The following TPRX1 variants were observed in gnomAD, a reference collection of about 807,000 sequenced individuals.
TPRX1 encodes the protein tetra-peptide repeat homeobox protein 1.
Under a neutral mutation model 8.1 loss-of-function variants are expected in TPRX1, and 2 were observed. That is an observed-to-expected ratio of 0.25 (90% CI 0.10 to 0.78). TPRX1 has a LOEUF of 0.78. Ranked by LOEUF, TPRX1 falls within the 30% of genes least tolerant of loss-of-function variation. TPRX1 has a pLI of 0.70. For synonymous variants in TPRX1, 257 were observed against 254.1 expected (o/e 1.01, Z -0.11); for missense variants, 517 against 586.9 (o/e 0.88, Z 1.23).
At chr19:47,801,921 C>T in exon 4 of TPRX1, 1 of 1,614,126 alleles carries the variant, frequency 6.2e-7, no homozygotes, top group Non-Finnish European at 8.5e-7. Context: ...GAGGATCCCT[C>T]CAAGGGGTCT....
exon 4 of TPRX1, chr19:47,801,805 G>A (rs1967665865): frequency 6.2e-7 from 1 of 1,613,878 alleles, no homozygotes; most frequent in Admixed American, 1.7e-5. Context: ...TGGGGCCTGA[G>A]TGATTTTCAT....
rs34265596 is a variant in TPRX1, at chr19:47,815,646, C to CAAAAAA, written c.151+2816_151+2821dup. 5.8e-4 allele frequency among the ~76,000 whole-genome samples: 35 copies of CAAAAAA among 60,154 alleles called. 2 individuals carry two copies. The highest frequency in any genetic ancestry group is 9.3e-4 in the Admixed American group (4 of 4,324). 39.5% of individuals were successfully genotyped at this position (60,154 alleles called of 152,430 possible). A position where few individuals can be genotyped will look rare whatever the true frequency, so the allele number is the denominator to read the frequency against. On this transcript the variant is annotated intron_variant, in intron 2 of 3. Transcript: ENST00000535759. The stretch of plus-strand genomic sequence containing the variant: ...CAACATAATGAGACCCCCGTCTCTA[C>CAAAAAA]AAAAAAAAAAAAAAAAAAAAGCAGG...
At chr19:47,818,249 A>ATCCC (rs1967863345) in intron 2 of TPRX1, among the ~76,000 whole-genome samples, 1 of 96,114 alleles carries the variant, frequency 1.0e-5, no homozygotes, top group African/African-American at 4.6e-5. Context: ...TCCATCACCC[A>ATCCC]TCCATCCATC....
chr19:47,801,397 CAACCACAACAA>C (rs1346504873), exon 4 of TPRX1: 2 of 185,556 alleles, frequency 1.1e-5, no homozygotes, highest in Non-Finnish European at 2.2e-5. Flanking sequence ...ATGGATATTA[CAACCACAACAA>C]AACCACAAGT....
chr19:47,805,097 G>T (rs112720019), intron 2 of TPRX1, among the ~76,000 whole-genome samples: 1 of 152,176 alleles, frequency 6.6e-6, no homozygotes, highest in Non-Finnish European at 1.5e-5. Flanking sequence ...TGCTCCCTAG[G>T]TGCCTATAGG....
chr19:47,810,993 G>GTTT (rs71334234), intron 2 of TPRX1, among the ~76,000 whole-genome samples: 3 of 137,604 alleles, frequency 2.2e-5, no homozygotes, highest in Admixed American at 7.3e-5. Context: ...CTTGCTCTCT[G>GTTT]TTTTTTTTTT....
chr19:47,816,811 C>A (rs371966210), intron 2 of TPRX1, among the ~76,000 whole-genome samples: 1 of 152,138 alleles, frequency 6.6e-6, no homozygotes, highest in African/African-American at 2.4e-5. Flanking sequence ...GGATTACAGG[C>A]GTGAGCCACC....
intron 2 of TPRX1, among the ~76,000 whole-genome samples, chr19:47,810,510 G>A (rs949731443): frequency 4.0e-5 from 6 of 150,576 alleles, no homozygotes; most frequent in Non-Finnish European, 4.4e-5. Context: ...CACCACGCCC[G>A]GCTAATTTTT....
At chr19:47,808,407 G>A (rs1042658802) in intron 2 of TPRX1, among the ~76,000 whole-genome samples, 8 of 151,650 alleles carry the variant, frequency 5.3e-5, no homozygotes, top group Non-Finnish European at 8.8e-5. Context: ...GAGCCACCAT[G>A]CCTGGCCAAT....
At chr19:47,806,643 A>G (rs554309187) in intron 2 of TPRX1, among the ~76,000 whole-genome samples, 1 of 152,368 alleles carries the variant, frequency 6.6e-6, no homozygotes, top group African/African-American at 2.4e-5. Flanking sequence ...GTGCTACAAC[A>G]TGGATGAACC....
chr19:47,812,563 G>C (rs1240750216), intron 2 of TPRX1, among the ~76,000 whole-genome samples: 1 of 151,912 alleles, frequency 6.6e-6, no homozygotes, highest in Admixed American at 6.6e-5. Flanking sequence ...GTGAAACTCT[G>C]TCTCTACTAA....
chr19:47,815,114 T>TTTTATATATA (rs1555799970), intron 2 of TPRX1, among the ~76,000 whole-genome samples: 3 of 63,390 alleles, frequency 4.7e-5, no homozygotes, highest in African/African-American at 6.9e-5. Flanking sequence ...AATAGATAAA[T>TTTTATATATA]TATATATATA....
At position 47,815,114 on chromosome 19, in the gene TPRX1, TTATA is replaced by T. The variant is rs548380113; in HGVS notation, c.151+3350_151+3353del. ...GTGCTTAGCTCAATAAATAGATAAATTATATATATATATATATATATATATATAT... is the reference window on the plus strand; with the variant it reads ...GTGCTTAGCTCAATAAATAGATAAATTATATATATATATATATATATATAT... On this transcript the variant is annotated intron_variant, in intron 2 of 3. Transcript: ENST00000535759. Among the ~76,000 whole-genome samples, 113 of 63,290 alleles carry T rather than the reference TTATA, an allele frequency of 1.8e-3. 1 individual carries two copies. The highest frequency in any genetic ancestry group is 4.8e-3 in the East Asian group (12 of 2,516). The allele number at this position is 63,290 out of a possible 152,430, so 41.5% of individuals were successfully genotyped here. A position where few individuals can be genotyped will look rare whatever the true frequency, so the allele number is the denominator to read the frequency against.
At chr19:47,812,216 C>T (rs988900873) in intron 2 of TPRX1, among the ~76,000 whole-genome samples, 5 of 152,128 alleles carry the variant, frequency 3.3e-5, no homozygotes, top group African/African-American at 1.2e-4. Context: ...AGGGACTGAT[C>T]TAGGCACCTC....
rs367596540 is a variant in TPRX1 at position 47,818,949 on chromosome 19, T to G, written c.80+23A>C. ...TGATGTTCCCCACCCTGTGTCCAAG[T>G]GTTCTCATTGTTCAATTCTCACCTA... On this transcript the variant is annotated intron_variant, in intron 1 of 3. Coordinates refer to ENST00000535759, the Ensembl canonical transcript of TPRX1. 99 of 247,840 alleles carry G rather than the reference T, an allele frequency of 4.0e-4. 1 individual carries two copies. The highest frequency in any genetic ancestry group is 1.9e-3 in the African/African-American group (87 of 44,756). 15.4% of individuals were successfully genotyped at this position (247,840 alleles called of 1,614,324 possible).
At chr19:47,815,162 A>ATATATGCAAATATATATATATAT (rs1360730858) in intron 2 of TPRX1, among the ~76,000 whole-genome samples, 1 of 74,714 alleles carries the variant, frequency 1.3e-5, no homozygotes, top group Non-Finnish European at 2.7e-5. Context: ...ATATATATAT[A>ATATATGCAAATATATATATATAT]TTTTTTTTTT....
At chr19:47,815,357 G>A (rs1967830042) in intron 2 of TPRX1, among the ~76,000 whole-genome samples, 1 of 143,710 alleles carries the variant, frequency 7.0e-6, no homozygotes. Context: ...TTTTTACCAT[G>A]TTGGTCAGGC....
At chr19:47,818,622 G>T (rs1599959638) in intron 1 of TPRX1, 1 of 452,352 alleles carries the variant, frequency 2.2e-6, no homozygotes. Flanking sequence ...GAGCTAAGGG[G>T]GTGCAGGTAT....
At chr19:47,814,060 ATT>A (rs565480649) in intron 2 of TPRX1, among the ~76,000 whole-genome samples, 1 of 139,542 alleles carries the variant, frequency 7.2e-6, no homozygotes. Context: ...AACATTGCTG[ATT>A]TTTTTTTTTT....
Sources: gnomAD v4.1 joint callset for allele counts (sites outside exome capture counted in the v4.1 genomes callset) on GRCh38, gnomAD v4.1.1 for gene constraint, MANE v1.5 for transcripts, NCBI Gene and HGNC (gene_info 2026-07-23, HGNC 2026-07-21) for gene names.